The following GPLD1 variants were observed in gnomAD, a reference collection of about 807,000 sequenced individuals.
GPLD1 encodes phosphatidylinositol-glycan-specific phospholipase D.
A neutral mutation model predicts 112.6 loss-of-function variants in GPLD1; 84 were observed. The ratio of observed to expected loss-of-function variants is 0.75; its 90% CI spans 0.63 to 0.89. GPLD1 has a LOEUF of 0.89. GPLD1 is among the 40% of genes least tolerant of loss of function. GPLD1 has a pLI of 0.00. For synonymous variants in GPLD1, 386 were observed against 403.8 expected, an observed-to-expected ratio of 0.96 and a Z score of 0.53; for missense variants, 1,044 against 1,051.5, an observed-to-expected ratio of 0.99 and a Z score of 0.10.
intron 6 of GPLD1, chr6:24,473,129 T>C (rs891576891): frequency 1.3e-5 from 2 of 150,358 alleles, no homozygotes; most frequent in Admixed American, 1.3e-4. Flanking sequence ...AAAATCTTAG[T>C]TAGTGAAACA....
At chr6:24,444,683 G>A (rs813226) in intron 20 of GPLD1, among the ~76,000 whole-genome samples, 41,502 of 151,704 alleles carry the variant, frequency 0.27, 6,995 homozygotes, top group Middle Eastern at 0.43. Context: ...AGACCCTCTC[G>A]CTACAAAAAA....
chr6:24,445,613 A>G lies in GPLD1; in HGVS notation c.1953T>C (p.Leu651=), dbSNP rs1062508. The G allele has an allele frequency of 1.4e-5, 22 of 1,613,796 alleles. No homozygotes were observed. The highest frequency in any genetic ancestry group is 1.9e-5 in the Non-Finnish European group (22 of 1,179,848). Residue 651 remains leucine, a synonymous_variant, in exon 20 of 25, where the codon CTT becomes CTC. Coordinates refer to ENST00000230036, the MANE Select transcript of GPLD1 (RefSeq NM_001503.4). ...CATTCATCAGTACGTGGCCACTGGA[A>G]AGGGAAGTACCCAGTTTCCCCATTG... is the stretch of plus-strand genomic sequence containing the variant. The part of the protein sequence containing the change: ...DKAMGKLGTS[L]SSGHVLMNGT...
chr6:24,493,942 G>A (rs1038401106), upstream of GPLD1, among the ~76,000 whole-genome samples: 17 of 152,168 alleles, frequency 1.1e-4, no homozygotes, highest in African/African-American at 3.9e-4. Flanking sequence ...CCCAGCATAC[G>A]CCTGCTATTT....
At position 24,472,713 on chromosome 6, in the gene GPLD1, A is replaced by G; in HGVS notation, c.491-77T>C. The G allele has an allele frequency of 3.7e-6, 3 of 805,598 alleles. No individual in the cohort carries two copies. In the South Asian group the frequency reaches 4.2e-5, roughly 11 times the overall value. 49.9% of individuals were successfully genotyped at this position (805,598 alleles called of 1,614,324 possible). ...ATGCATCTATTCAACATGAGGTCTG[A>G]CAAGTTGGATTATTAGTTTTTCACA... is the stretch of plus-strand genomic sequence containing the variant. On this transcript the variant is annotated intron_variant, in intron 6 of 24. Coordinates refer to ENST00000230036, the MANE Select transcript of GPLD1 (RefSeq NM_001503.4).
upstream of GPLD1, chr6:24,489,731 G>T (rs912045629): frequency 7.2e-5 from 47 of 654,362 alleles, no homozygotes; most frequent in Non-Finnish European, 9.1e-5. Context: ...CTGTGCTCCT[G>T]GGGGGTGGGG....
chr6:24,494,912 C>A, intron 1 of GPLD1: 1 of 1,232,034 alleles, frequency 8.1e-7, no homozygotes, highest in Non-Finnish European at 1.0e-6. Flanking sequence ...GGCGCCTCCT[C>A]GCTCCTCTTG....
rs1297246515 is a variant in GPLD1 at position 24,462,598 on chromosome 6, C to T, written c.887+132G>A. 3 of 659,082 alleles carry T rather than the reference C, an allele frequency of 4.6e-6. No individual in the cohort carries two copies. In the East Asian group the frequency reaches 7.8e-5, roughly 17 times the overall value. The allele number at this position is 659,082 out of a possible 1,614,324, so 40.8% of individuals were successfully genotyped here. A position where few individuals can be genotyped will look rare whatever the true frequency, so the allele number is the denominator to read the frequency against. On this transcript the variant is annotated intron_variant, in intron 11 of 24. Transcript: ENST00000230036. Reference sequence around the variant, plus strand: ...TCAAGCAGCTTGTTTAAAAATCACACAGCTGCAAGTGACAAATCTGGAATT... The same window carrying T: ...TCAAGCAGCTTGTTTAAAAATCACATAGCTGCAAGTGACAAATCTGGAATT...
chr6:24,492,904 A>G (rs951658219), upstream of GPLD1, among the ~76,000 whole-genome samples: 1 of 152,232 alleles, frequency 6.6e-6, no homozygotes, highest in Non-Finnish European at 1.5e-5. Flanking sequence ...ATCACATTTT[A>G]CATCTGCATT....
intron 20 of GPLD1, among the ~76,000 whole-genome samples, chr6:24,438,572 C>T (rs1010870700): frequency 2.6e-5 from 4 of 152,208 alleles, no homozygotes; most frequent in Non-Finnish European, 4.4e-5. Context: ...AAAGCAGAGT[C>T]GGCAACAACA....
At chr6:24,447,524 G>A (rs1030145008) in intron 17 of GPLD1, among the ~76,000 whole-genome samples, 3 of 142,488 alleles carry the variant, frequency 2.1e-5, no homozygotes, top group Non-Finnish European at 4.6e-5. Context: ...TCAAAAAAAA[G>A]AAAAAACAAC....
intron 17 of GPLD1, 149 bp from the exon 18 acceptor site, chr6:24,447,128 A>G: frequency 1.1e-5 from 7 of 612,514 alleles, no homozygotes; most frequent in Non-Finnish European, 1.7e-5. Context: ...TGCTGATCCC[A>G]GGACCCCAAT....
chr6:24,459,130 C>G (rs1479690598), intron 12 of GPLD1, among the ~76,000 whole-genome samples: 1 of 152,192 alleles, frequency 6.6e-6, no homozygotes, highest in African/African-American at 2.4e-5. Flanking sequence ...AACCCACTAA[C>G]AGAAATGTAC....
At chr6:24,447,066 T>G in intron 17 of GPLD1, 87 bp from the exon 18 acceptor site, 1 of 1,241,458 alleles carries the variant, frequency 8.1e-7, no homozygotes, top group Non-Finnish European at 1.1e-6. Context: ...CGTAGCCTAA[T>G]AGAAGTGGGT....
At chr6:24,448,691 G>T (rs1351637368) in intron 15 of GPLD1, among the ~76,000 whole-genome samples, 1 of 152,118 alleles carries the variant, frequency 6.6e-6, no homozygotes, top group Admixed American at 6.5e-5. Flanking sequence ...CCCACTTCAA[G>T]GACCAGCACA....
Position 24,436,701 on chromosome 6 carries a change from C to T in GPLD1, c.2233G>A (p.Asp745Asn). 1.2e-6 allele frequency: 2 copies of T among 1,614,108 alleles called. No individual in the cohort carries two copies. The highest frequency in any genetic ancestry group is 1.7e-6 in the Non-Finnish European group (2 of 1,180,010). The part of the protein sequence containing the change: ...IIMAAPLRIA[D>N]VTSGLIGGED... ...CCCCCAATCAGTCCAGAGGTTACAT[C>T]TGCTATCCTCAGGGGGGCTGCCATG... The change falls in exon 22 of 25, where the codon GAT becomes AAT. Residue 745 changes from aspartate to asparagine, a missense_variant. Coordinates refer to ENST00000230036, the MANE Select transcript of GPLD1 (RefSeq NM_001503.4).
intron 2 of GPLD1, among the ~76,000 whole-genome samples, chr6:24,480,565 G>A (rs1581785375): frequency 6.6e-6 from 1 of 152,038 alleles, no homozygotes; most frequent in Non-Finnish European, 1.5e-5. Context: ...ACGTACGCAC[G>A]CACACAAACA....
upstream of GPLD1, among the ~76,000 whole-genome samples, chr6:24,490,843 T>C (rs547552020): frequency 6.6e-6 from 1 of 152,076 alleles, no homozygotes; most frequent in African/African-American, 2.4e-5. Flanking sequence ...AACACAGCCA[T>C]GTGCACAGCC....
intron 5 of GPLD1, among the ~76,000 whole-genome samples, chr6:24,473,896 G>A (rs551351946): frequency 3.9e-5 from 6 of 152,084 alleles, no homozygotes; most frequent in East Asian, 1.9e-4. Context: ...AGGTTGAGGC[G>A]GGTGGATCAC....
chr6:24,473,720 C>G (rs1763904311), intron 5 of GPLD1, 53 bp from the exon 6 acceptor site: 1 of 1,216,098 alleles, frequency 8.2e-7, no homozygotes, highest in Non-Finnish European at 1.2e-6. Context: ...AGCCCCAACT[C>G]TTACTTCCAC....
Sources: allele counts gnomAD v4.1 joint callset (sites outside exome capture counted in the v4.1 genomes callset), GRCh38; gene constraint gnomAD v4.1.1; transcripts MANE v1.5; gene names NCBI Gene and HGNC (gene_info 2026-07-23, HGNC 2026-07-21).